The following UGGT1 variants were observed in gnomAD, a reference collection of about 807,000 sequenced individuals.
UGGT1 encodes UDP-glucose glycoprotein glucosyltransferase 1.
In UGGT1, 107 loss-of-function variants were observed where a neutral mutation model predicts 203.9. The ratio of observed to expected loss-of-function variants is 0.52; its 90% CI spans 0.45 to 0.62. The LOEUF is 0.62. Among genes scored for constraint, UGGT1 ranks in the 20% least tolerant of loss-of-function variants. UGGT1 has a pLI of 0.00. For missense variants in UGGT1, 1,673 were observed against 1,867.2 expected, an observed-to-expected ratio of 0.90 and a Z score of 1.92; for synonymous variants, 628 against 653.5, an observed-to-expected ratio of 0.96 and a Z score of 0.59.
intron 3 of UGGT1, among the ~76,000 whole-genome samples, chr2:128,105,010 GGTT>G (rs1687537296): frequency 6.6e-6 from 1 of 151,210 alleles, no homozygotes; most frequent in Admixed American, 6.6e-5. Context: ...GATGTTAATG[GGTT>G]GTTTTTTTTT....
In UGGT1 at chr2:128,160,519, G is replaced by C. The variant is rs754560228; in HGVS notation, c.2622G>C (p.Leu874Phe). The C allele has an allele frequency of 1.2e-6, 2 of 1,613,100 alleles. No homozygotes were observed. The highest frequency in any genetic ancestry group is 2.2e-5 in the South Asian group (2 of 90,956). Residue 874 changes from leucine to phenylalanine, a missense_variant, in exon 24 of 41, where the codon TTG becomes TTC. Leu to Phe is a conservative substitution (Grantham distance 22). Transcript: ENST00000259253. Reference protein sequence around the residue: ...VFESSKMDFILSHAVYCRDVL... With the variant: ...VFESSKMDFIFSHAVYCRDVL... ...AGTCTTCCAAAATGGATTTCATTTT[G>C]TCTCATGCCGTGTACTGCAGGGATG... is the stretch of plus-strand genomic sequence containing the variant.
intron 11 of UGGT1, among the ~76,000 whole-genome samples, chr2:128,124,020 A>C (rs886461534): frequency 6.6e-6 from 1 of 152,154 alleles, no homozygotes; most frequent in Non-Finnish European, 1.5e-5. Context: ...ATCTCAGCTC[A>C]CTGCAAGCTC....
chr2:128,119,519 A>G (rs1218776467), intron 8 of UGGT1, among the ~76,000 whole-genome samples: 1 of 152,174 alleles, frequency 6.6e-6, no homozygotes, highest in South Asian at 2.1e-4. Context: ...TAAATGTTAT[A>G]TCTCTGCCCC....
intron 25 of UGGT1, among the ~76,000 whole-genome samples, chr2:128,161,968 A>C (rs1690547808): frequency 6.6e-6 from 1 of 152,084 alleles, no homozygotes. Flanking sequence ...TTACATTCCC[A>C]CTGGCAATGC....
At chr2:128,095,006 C>T (rs1175310660) in intron 1 of UGGT1, among the ~76,000 whole-genome samples, 2 of 152,086 alleles carry the variant, frequency 1.3e-5, no homozygotes, top group Non-Finnish European at 2.9e-5. Flanking sequence ...ACCTCAGCCT[C>T]CTAAAGTGCT....
At chr2:128,152,277 C>T (rs1383492552) in intron 18 of UGGT1, among the ~76,000 whole-genome samples, 1 of 152,084 alleles carries the variant, frequency 6.6e-6, no homozygotes, top group Non-Finnish European at 1.5e-5. Flanking sequence ...AAGTGATTCT[C>T]CTGCCTCAGC....
At chr2:128,158,402 T>C (rs1188650678) in intron 22 of UGGT1, among the ~76,000 whole-genome samples, 1 of 152,204 alleles carries the variant, frequency 6.6e-6, no homozygotes, top group Admixed American at 6.5e-5. Context: ...ACACTACGCC[T>C]CTTCCCTCTT....
chr2:128,138,878 T>C lies in UGGT1; in HGVS notation c.1719+26T>C. ...GTACGTTTTTGTTCAGAATGGCAAA[T>C]AATTTTTTCAGATCTAACTTACTCT... On this transcript the variant is annotated intron_variant, in intron 16 of 40. Transcript: ENST00000259253. The C allele has an allele frequency of 2.5e-6, 4 of 1,612,494 alleles. No homozygotes were observed. In the South Asian group the frequency reaches 3.3e-5, roughly 13 times the overall value.
At position 128,182,285 on chromosome 2, in the gene UGGT1, T is replaced by C; in HGVS notation, c.4239T>C (p.His1413=). ...WASHLAGRKY[H]ISALYVVDLK... ...GTCATTTAGCCGGGCGAAAGTATCATATCAGGTACTGAAAAGAAGCACTCC... is the reference window on the plus strand; with the variant it reads ...GTCATTTAGCCGGGCGAAAGTATCACATCAGGTACTGAAAAGAAGCACTCC... The change falls in exon 37 of 41, where the codon CAT becomes CAC. Residue 1413 remains histidine (H), a synonymous_variant. Coordinates refer to ENST00000259253, the MANE Select transcript of UGGT1 (RefSeq NM_020120.4). 2 of 1,611,666 alleles carry C rather than the reference T, an allele frequency of 1.2e-6. No individual in the cohort carries two copies. The highest frequency in any genetic ancestry group is 2.2e-5 in the East Asian group (1 of 44,882).
At position 128,126,694 on chromosome 2, in the gene UGGT1, T is replaced by G. The variant is rs1434932009; in HGVS notation, c.1135-667T>G. Among the ~76,000 whole-genome samples the G allele has an allele frequency of 3.4e-5, 5 of 146,962 alleles. No homozygotes were observed. In the East Asian group the frequency reaches 9.9e-4, roughly 29 times the overall value. On this transcript the variant is annotated intron_variant, in intron 11 of 40. Transcript: ENST00000259253. ...CAGCTCAGGGTCAGTCTTTTTTTTT[T>G]TTTTTTTTGAGACAGTCTTGCTCTG...
Position 128,091,287 on chromosome 2 carries a change from C to G in UGGT1, c.-71C>G, listed in dbSNP as rs918634691. ...CCTCTCACTGGCGCAGCCTGCACTG[C>G]CGCTGCCGCCTCGCCCCGCCCTGCC... On this transcript the variant is annotated 5_prime_UTR_variant, in exon 1 of 41. Transcript: ENST00000259253. The G allele has an allele frequency of 2.1e-6, 3 of 1,448,038 alleles. No homozygotes were observed. Among genetic ancestry groups the G allele is most frequent in the African/African-American group, 1.5e-5 (1 of 68,072 alleles). The allele number at this position is 1,448,038 out of a possible 1,614,324, so 89.7% of individuals were successfully genotyped here.
chr2:128,120,441 G>T lies in UGGT1; in HGVS notation c.958G>T (p.Val320Phe). Residue 320 changes from valine (V) to phenylalanine (F), a missense_variant, in exon 9 of 41, where the codon GTT (valine) becomes TTT (phenylalanine). Physicochemically the swap from Val to Phe is conservative, Grantham distance 50. Coordinates refer to ENST00000259253, the MANE Select transcript of UGGT1 (RefSeq NM_020120.4). ...ESTNEMAPLK[V>F]WQLQDLSFQT... ...CACCAATGAAATGGCACCTTTAAAGGTTTGGCAGTTGCAAGGTAATGAAAA... is the reference window on the plus strand; with the variant it reads ...CACCAATGAAATGGCACCTTTAAAGTTTTGGCAGTTGCAAGGTAATGAAAA... 6.2e-7 allele frequency: 1 copy of T among 1,613,762 alleles called. No individual in the cohort carries two copies. The highest frequency in any genetic ancestry group is 8.5e-7 in the Non-Finnish European group (1 of 1,179,828).
chr2:128,175,615 C>G (rs1240475508), intron 31 of UGGT1, among the ~76,000 whole-genome samples: 1 of 152,188 alleles, frequency 6.6e-6, no homozygotes, highest in Non-Finnish European at 1.5e-5. Context: ...TAGAAGAATT[C>G]TGTATTATAA....
Position 128,146,430 on chromosome 2 carries a change from A to G in UGGT1, c.2016+463A>G, listed in dbSNP as rs980391443. Among the ~76,000 whole-genome samples the G allele has an allele frequency of 2.0e-5, 3 of 152,340 alleles. No individual in the cohort carries two copies. In the East Asian group the frequency reaches 5.8e-4, roughly 29 times the overall value. ...ATAAATCTTCTATATATGGTAATTTAAATAACTAGTATTATTGATTTCAGG... is the reference window on the plus strand; with the variant it reads ...ATAAATCTTCTATATATGGTAATTTGAATAACTAGTATTATTGATTTCAGG... On this transcript the variant is annotated intron_variant, in intron 18 of 40. Coordinates refer to ENST00000259253, the MANE Select transcript of UGGT1 (RefSeq NM_020120.4).
At chr2:128,171,156 T>G (rs746870156) in intron 27 of UGGT1, 49 bp from the exon 28 acceptor site, 13 of 1,542,084 alleles carry the variant, frequency 8.4e-6, no homozygotes, top group Non-Finnish European at 1.2e-5. Context: ...AATAATAAAT[T>G]TCTGAAGAAA....
chr2:128,154,587 C>A (rs150466726), intron 19 of UGGT1, among the ~76,000 whole-genome samples: 3 of 152,180 alleles, frequency 2.0e-5, no homozygotes, highest in African/African-American at 4.8e-5. Context: ...TAATTTTTAT[C>A]GGCATGGTGT....
intron 2 of UGGT1, among the ~76,000 whole-genome samples, chr2:128,098,690 A>G (rs1687226581): frequency 6.6e-6 from 1 of 151,402 alleles, no homozygotes; most frequent in South Asian, 2.1e-4. Context: ...CGGAGGTTGC[A>G]GTGAGCCCAG....
intron 8 of UGGT1, 100 bp from the exon 9 acceptor site, chr2:128,120,256 G>T: frequency 1.8e-6 from 2 of 1,091,574 alleles, no homozygotes; most frequent in East Asian, 2.4e-5. Flanking sequence ...ATTTCCTAGG[G>T]TTGGGAGAGG....
chr2:128,121,322 C>T (rs757986332), intron 10 of UGGT1, 24 bp downstream of exon 10: 13 of 1,528,856 alleles, frequency 8.5e-6, no homozygotes, highest in Middle Eastern at 3.5e-4. Context: ...ATGCTCTTCT[C>T]CTTAACATCA....
Sources: gnomAD v4.1 joint callset for allele counts (sites outside exome capture counted in the v4.1 genomes callset) on GRCh38, gnomAD v4.1.1 for gene constraint, MANE v1.5 for transcripts, NCBI Gene and HGNC (gene_info 2026-07-23, HGNC 2026-07-21) for gene names.